LTBP2: variants seen among roughly 807,000 people sequenced by gnomAD.
The protein encoded by LTBP2 is latent-transforming growth factor beta-binding protein 2.
Under a neutral mutation model 210.6 loss-of-function variants are expected in LTBP2, and 103 were observed. That is an observed-to-expected ratio of 0.49 (90% CI 0.42 to 0.58). The LOEUF (loss-of-function observed/expected upper bound fraction) is 0.58, where lower values mean the gene tolerates loss of function less well. Among genes scored for constraint, LTBP2 ranks in the 20% least tolerant of loss-of-function variants. The pLI, the probability that LTBP2 is intolerant of heterozygous loss-of-function variation, is 0.00. For missense variants in LTBP2, 2,313 were observed against 2,494.5 expected (o/e 0.93, Z 1.55); for synonymous variants, 1,007 against 1,015.0 (o/e 0.99, Z 0.15).
At position 74,505,181 on chromosome 14, in the gene LTBP2, G is replaced by A. The variant is rs374841719; in HGVS notation, c.4178-7C>T. Reference sequence around the variant, plus strand: ...GCCTCAGACATACTCTGACCTGTGCGTGACAGATGCTCATTACTGTCTGTT... The same window carrying A: ...GCCTCAGACATACTCTGACCTGTGCATGACAGATGCTCATTACTGTCTGTT... On this transcript the variant is annotated splice_region_variant and splice_polypyrimidine_tract_variant and intron_variant, in intron 28 of 35. Coordinates refer to ENST00000261978, the MANE Select transcript of LTBP2 (RefSeq NM_000428.3). 6.8e-5 allele frequency: 109 copies of A among 1,611,960 alleles called. No homozygotes were observed. In the African/African-American group the frequency reaches 1.1e-3, roughly 17 times the overall value.
chr14:74,552,806 G>T, intron 5 of LTBP2, 86 bp downstream of exon 5: 1 of 1,493,924 alleles, frequency 6.7e-7, no homozygotes. Context: ...TGGGAGCAGC[G>T]GGCTCCAGTC....
Position 74,504,848 on chromosome 14 carries a change from C to T in LTBP2, c.4383G>A (p.Glu1461=). The T allele has an allele frequency of 6.2e-7, 1 of 1,614,258 alleles. No individual in the cohort carries two copies. The highest frequency in any genetic ancestry group is 8.5e-7 in the Non-Finnish European group (1 of 1,180,042). Residue 1461 remains glutamate, a synonymous_variant, in exon 30 of 36, where the codon GAG becomes GAA. Transcript: ENST00000261978. ...TGTAGCCTTTTCCACTAGGGCAGATCTCGCTGAATTCAGCTATGTAGAGAG... is the reference window on the plus strand; with the variant it reads ...TGTAGCCTTTTCCACTAGGGCAGATTTCGCTGAATTCAGCTATGTAGAGAG... ...CPSEDSAEFS[E]ICPSGKGYIP... is the part of the protein sequence containing the mutation.
intron 8 of LTBP2, among the ~76,000 whole-genome samples, chr14:74,542,562 G>A (rs1362891505): frequency 7.2e-5 from 11 of 152,182 alleles, no homozygotes; most frequent in Admixed American, 5.9e-4. Flanking sequence ...CATGCCTGGC[G>A]AGGCCAAGCT....
rs1399864542 is a variant in LTBP2 at position 74,536,038 on chromosome 14, C to T, written c.1790-38G>A. On this transcript the variant is annotated intron_variant, in intron 8 of 35. Coordinates refer to ENST00000261978, the MANE Select transcript of LTBP2 (RefSeq NM_000428.3). ...GATACGGACAGGTCTCACTGGACGG[C>T]CCCTGGGCTCCTCTGTCACCCATGC... 6 of 1,562,064 alleles carry T rather than the reference C, an allele frequency of 3.8e-6. No homozygotes were observed. In the Admixed American group the frequency reaches 8.3e-5, roughly 22 times the overall value.
chr14:74,574,352 C>G (rs899744258), intron 3 of LTBP2, among the ~76,000 whole-genome samples: 1 of 152,208 alleles, frequency 6.6e-6, no homozygotes, highest in African/African-American at 2.4e-5. Context: ...ATGATGAGCT[C>G]TGGGGAACCT....
intron 12 of LTBP2, 148 bp downstream of exon 12, chr14:74,528,335 G>T (rs925515948): frequency 1.1e-6 from 1 of 895,026 alleles, no homozygotes; most frequent in Non-Finnish European, 1.8e-6. Flanking sequence ...AAGGCTGCCA[G>T]GGTTGGGTGC....
At chr14:74,611,354 T>C in intron 1 of LTBP2, 97 bp downstream of exon 1, 1 of 1,299,730 alleles carries the variant, frequency 7.7e-7, no homozygotes, top group South Asian at 1.9e-5. Context: ...GGGACGAGGG[T>C]ATGAGAGCGG....
chr14:74,506,246 G>T, intron 27 of LTBP2, 55 bp from the exon 28 acceptor site: 1 of 1,611,936 alleles, frequency 6.2e-7, no homozygotes. Flanking sequence ...CGTGCCCCCT[G>T]CCCCTGACTA....
chr14:74,571,752 C>A (rs1240559137), intron 3 of LTBP2, among the ~76,000 whole-genome samples: 1 of 152,206 alleles, frequency 6.6e-6, no homozygotes, highest in Non-Finnish European at 1.5e-5. Flanking sequence ...GCTGCGGGCA[C>A]TCGCGGGTGG....
At chr14:74,545,627 C>G (rs1466186302) in intron 8 of LTBP2, among the ~76,000 whole-genome samples, 1 of 152,232 alleles carries the variant, frequency 6.6e-6, no homozygotes, top group Non-Finnish European at 1.5e-5. Flanking sequence ...CAGTGCCAAG[C>G]CAGATGGGGC....
chr14:74,562,341 A>G (rs1358103352), intron 3 of LTBP2, among the ~76,000 whole-genome samples: 1 of 152,144 alleles, frequency 6.6e-6, no homozygotes, highest in East Asian at 1.9e-4. Context: ...GAGAGGGGGG[A>G]AGGGAAATCA....
At position 74,504,360 on chromosome 14, in the gene LTBP2, G is replaced by A. The variant is rs568319132; in HGVS notation, c.4454-306C>T. Among the ~76,000 whole-genome samples, 4 of 152,356 alleles carry A rather than the reference G, an allele frequency of 2.6e-5. No individual in the cohort carries two copies. The East Asian group carries it at 5.8e-4, about 22-fold the overall frequency. On this transcript the variant is annotated intron_variant, in intron 30 of 35. Transcript: ENST00000261978. ...AGACTAGCTTCAGGACTAGGGTGCT[G>A]AGGGGCGCAGTACCTGGACCATCCT... is the stretch of plus-strand genomic sequence containing the variant.
rs1566610865 is a variant in LTBP2, at chr14:74,501,541, C to A, written c.5220G>T (p.Leu1740=). The change falls in exon 35 of 36, where the codon CTG becomes CTT. Residue 1740 remains leucine, a synonymous_variant. Transcript: ENST00000261978. Reference sequence around the variant, plus strand: ...CACAGCGGCCATTCTCACAGCCGTTCAGGATGCCGCACTCCTCCGCCTGAA... The same window carrying A: ...CACAGCGGCCATTCTCACAGCCGTTAAGGATGCCGCACTCCTCCGCCTGAA... The part of the protein sequence containing the change: ...EGLQAEECGI[L]NGCENGRCVR... 6.2e-7 allele frequency: 1 copy of A among 1,614,154 alleles called. No homozygotes were observed.
chr14:74,554,693 A>T (rs61980881), intron 4 of LTBP2, among the ~76,000 whole-genome samples: 79,086 of 151,910 alleles, frequency 0.52, 21,161 homozygotes, highest in Non-Finnish European at 0.56. Flanking sequence ...GGGTACAAGG[A>T]TTCTATTTGG....
At chr14:74,590,515 G>A (rs1018190044) in intron 2 of LTBP2, among the ~76,000 whole-genome samples, 1 of 152,180 alleles carries the variant, frequency 6.6e-6, no homozygotes, top group Non-Finnish European at 1.5e-5. Context: ...TGAGGCAGGA[G>A]AATCACTTAA....
At chr14:74,560,439 G>A (rs911031508) in intron 3 of LTBP2, among the ~76,000 whole-genome samples, 3 of 152,172 alleles carry the variant, frequency 2.0e-5, no homozygotes, top group African/African-American at 7.2e-5. Context: ...CCCAGTGGCC[G>A]GGGTCTTCAG....
In LTBP2 at chr14:74,504,870, A is replaced by G. The variant is rs769038744; in HGVS notation, c.4370-9T>C. On this transcript the variant is annotated splice_polypyrimidine_tract_variant and intron_variant, in intron 29 of 35. Transcript: ENST00000261978. ...GATCTCGCTGAATTCAGCTATGTAGAGAGGCGTTTCAGCTCAGAGTGGGGA... is the reference window on the plus strand; with the variant it reads ...GATCTCGCTGAATTCAGCTATGTAGGGAGGCGTTTCAGCTCAGAGTGGGGA... The G allele has an allele frequency of 1.1e-5, 18 of 1,614,032 alleles. No individual in the cohort carries two copies. The highest frequency in any genetic ancestry group is 1.5e-5 in the Non-Finnish European group (18 of 1,179,966).
Position 74,504,050 on chromosome 14 carries a change from C to T in LTBP2, c.4458G>A (p.Ala1486=), listed in dbSNP as rs780867426. 4 of 1,613,850 alleles carry T rather than the reference C, an allele frequency of 2.5e-6. No individual in the cohort carries two copies. The highest frequency in any genetic ancestry group is 1.7e-5 in the Admixed American group (1 of 60,010). The change falls in exon 31 of 36, where the codon GCG becomes GCA. Residue 1486 remains alanine, a synonymous_variant. Coordinates refer to ENST00000261978, the MANE Select transcript of LTBP2 (RefSeq NM_000428.3). ...WTFGQTMYTD[A]DECVIFGPGL... ...CAGGCCCGAATATCACACACTCATC[C>T]GCATCTGTGGAAGGCAGAGCTGAGG...
chr14:74,533,445 C>T (rs2087377551), intron 9 of LTBP2, among the ~76,000 whole-genome samples: 1 of 152,174 alleles, frequency 6.6e-6, no homozygotes, highest in Admixed American at 6.5e-5. Flanking sequence ...CCCTCCTATT[C>T]AGCCTTCCTC....
Sources: gnomAD v4.1 joint callset for allele counts (sites outside exome capture counted in the v4.1 genomes callset) on GRCh38, gnomAD v4.1.1 for gene constraint, MANE v1.5 for transcripts, NCBI Gene and HGNC (gene_info 2026-07-23, HGNC 2026-07-21) for gene names.